Variants in BRF1 observed in about 807,000 individuals in gnomAD.
BRF1 encodes the protein transcription factor IIIB 90 kDa subunit.
Under a neutral mutation model 81.7 loss-of-function variants are expected in BRF1, and 59 were observed. That is an observed-to-expected ratio of 0.72 (90% CI 0.59 to 0.90). The LOEUF (loss-of-function observed/expected upper bound fraction) is 0.90, where lower values mean the gene tolerates loss of function less well. Ranked by LOEUF, BRF1 falls within the 40% of genes least tolerant of loss-of-function variation. The probability of loss-of-function intolerance (pLI) is 0.00; values close to 1 mark genes in which losing one functional copy is unlikely to be tolerated. For missense variants in BRF1, 1,050 were observed against 936.3 expected, an observed-to-expected ratio of 1.12 and a Z score of -1.58; for synonymous variants, 491 against 395.6, an observed-to-expected ratio of 1.24 and a Z score of -2.86.
intron 1 of BRF1, among the ~76,000 whole-genome samples, chr14:105,307,406 T>C (rs926630633): frequency 6.6e-6 from 1 of 152,316 alleles, no homozygotes; most frequent in African/African-American, 2.4e-5. Flanking sequence ...TCCTCTGCCT[T>C]GCCTGGAAAA....
intron 5 of BRF1, chr14:105,248,485 G>A: frequency 1.0e-6 from 1 of 984,734 alleles, no homozygotes; most frequent in Non-Finnish European, 1.2e-6. Context: ...TGTCGGGCCT[G>A]GGGGCGGGGC....
intron 1 of BRF1, among the ~76,000 whole-genome samples, chr14:105,286,926 C>T (rs1027841215): frequency 6.6e-6 from 1 of 152,242 alleles, no homozygotes; most frequent in African/African-American, 2.4e-5. Flanking sequence ...GTCCCCCTTG[C>T]CCCAGGCCAG....
chr14:105,281,188 G>A (rs1014993233), intron 2 of BRF1, among the ~76,000 whole-genome samples: 3 of 141,256 alleles, frequency 2.1e-5, no homozygotes, highest in Admixed American at 7.1e-5. Context: ...GGTGGAGGCC[G>A]TGTGATCCTG....
In BRF1 at chr14:105,259,439, G is replaced by C. The variant is rs1270236184; in HGVS notation, c.440-2890C>G. 3.3e-5 allele frequency among the ~76,000 whole-genome samples: 5 copies of C among 152,248 alleles called. No homozygotes were observed. In the East Asian group the frequency reaches 5.8e-4, roughly 18 times the overall value. ...AGCTGGGGCCACAGAGTGAGACTCT[G>C]TCTCTAAAAATAAAAAGAAATATGT... On this transcript the variant is annotated intron_variant, in intron 3 of 17. Transcript: ENST00000547530.
chr14:105,286,458 G>A, intron 1 of BRF1, 82 bp from the exon 2 acceptor site: 2 of 1,423,570 alleles, frequency 1.4e-6, no homozygotes, highest in Non-Finnish European at 1.9e-6. Flanking sequence ...CAGACACAAA[G>A]TGAGAACAAA....
chr14:105,241,076 A>T lies in BRF1; in HGVS notation c.694+189T>A, dbSNP rs587756935. On this transcript the variant is annotated intron_variant, in intron 6 of 17. Coordinates refer to ENST00000547530, the MANE Select transcript of BRF1 (RefSeq NM_001519.4). ...CTTATGCCAGGACACGCAGAGGCCAACGGGGCAGCCAGGAGGTCCTGGAGG... is the reference window on the plus strand; with the variant it reads ...CTTATGCCAGGACACGCAGAGGCCATCGGGGCAGCCAGGAGGTCCTGGAGG... Among the ~76,000 whole-genome samples the T allele has an allele frequency of 5.3e-5, 8 of 152,328 alleles. No homozygotes were observed. In the East Asian group the frequency reaches 1.5e-3, roughly 29 times the overall value.
intron 10 of BRF1, among the ~76,000 whole-genome samples, chr14:105,222,838 C>T (rs995305886): frequency 1.5e-4 from 23 of 152,138 alleles, no homozygotes; most frequent in African/African-American, 2.4e-4. Flanking sequence ...CTGTGTTAGC[C>T]AGGATGGTCT....
At chr14:105,268,315 G>A (rs1050295881) in intron 3 of BRF1, among the ~76,000 whole-genome samples, 5 of 152,264 alleles carry the variant, frequency 3.3e-5, no homozygotes, top group Non-Finnish European at 5.9e-5. Flanking sequence ...TCCAGGTCCC[G>A]TGTCTCAGCC....
intron 5 of BRF1, chr14:105,250,352 T>A: frequency 6.2e-7 from 1 of 1,613,588 alleles, no homozygotes; most frequent in South Asian, 1.1e-5. Flanking sequence ...TGGCTCCAGC[T>A]CTGGGAAGGC....
At chr14:105,307,037 A>C (rs201039478) in intron 1 of BRF1, among the ~76,000 whole-genome samples, 3 of 149,898 alleles carry the variant, frequency 2.0e-5, no homozygotes, top group East Asian at 2.0e-4. Flanking sequence ...TATTTACTTT[A>C]TTTTTTCTTT....
rs907463100 is a variant in BRF1 at position 105,309,967 on chromosome 14, G to T, written c.-162+5355C>A. On this transcript the variant is annotated intron_variant, in intron 1 of 17. Transcript: ENST00000327359. This position sits in a 1 kb window ranked among gnomAD's most constrained non-coding sequence, Gnocchi z 4.0. ...CACCCGACTAATTTTTGTATTTTTA[G>T]TAGAGACGGGGTTTCAGTGTATTGG... is the stretch of plus-strand genomic sequence containing the variant. 1.3e-5 allele frequency among the ~76,000 whole-genome samples: 2 copies of T among 151,412 alleles called. No homozygotes were observed. The highest frequency in any genetic ancestry group is 4.9e-5 in the African/African-American group (2 of 41,236).
rs1566864231 is a variant in BRF1 at position 105,283,961 on chromosome 14, G to T, written c.265+2335C>A. On this transcript the variant is annotated intron_variant, in intron 2 of 17. Transcript: ENST00000547530. Reference sequence around the variant, plus strand: ...CCACCTGGAGGAACTGTAAACGTGTGTGCCAGGAAGCCCTGAAACAGACAA... The same window carrying T: ...CCACCTGGAGGAACTGTAAACGTGTTTGCCAGGAAGCCCTGAAACAGACAA... 2.0e-5 allele frequency among the ~76,000 whole-genome samples: 3 copies of T among 152,168 alleles called. No individual in the cohort carries two copies. In the East Asian group the frequency reaches 5.8e-4, roughly 29 times the overall value.
At chr14:105,277,536 G>A (rs1391481825) in intron 2 of BRF1, among the ~76,000 whole-genome samples, 1 of 137,100 alleles carries the variant, frequency 7.3e-6, no homozygotes, top group East Asian at 2.0e-4. Flanking sequence ...AGAGAGCTGG[G>A]GAGGAGGCCA....
intron 5 of BRF1, chr14:105,248,550 C>A (rs150454083): frequency 0.032 from 26,679 of 834,980 alleles, 416 homozygotes; most frequent in Non-Finnish European, 0.034. Context: ...GACGCACCGG[C>A]GCCGCGGCGG....
At chr14:105,249,765 A>G (rs1013652929) in intron 5 of BRF1, 2 of 1,613,792 alleles carry the variant, frequency 1.2e-6, no homozygotes, top group Non-Finnish European at 1.7e-6. Flanking sequence ...ACAAGTTTGG[A>G]AGCCAAGAAC....
chr14:105,273,473 G>A (rs2056748058), intron 2 of BRF1, among the ~76,000 whole-genome samples: 1 of 152,194 alleles, frequency 6.6e-6, no homozygotes, highest in South Asian at 2.1e-4. Flanking sequence ...CATGGTGTAG[G>A]GAAAAGGAAG....
rs1056772888 is a variant in BRF1, at chr14:105,221,570, G to T, written c.1315+78C>A. 7 of 1,530,368 alleles carry T rather than the reference G, an allele frequency of 4.6e-6. No individual in the cohort carries two copies. In the Admixed American group the frequency reaches 7.0e-5, roughly 15 times the overall value. The allele number at this position is 1,530,368 out of a possible 1,614,324, so 94.8% of individuals were successfully genotyped here. On this transcript the variant is annotated intron_variant, in intron 11 of 17. Coordinates refer to ENST00000547530, the MANE Select transcript of BRF1 (RefSeq NM_001519.4). ...CTCCCGACAGAGGATGGCAGCATCC[G>T]GCTCTCCCCATGAGAGGCACACGCC...
intron 7 of BRF1, 173 bp from the exon 8 acceptor site, chr14:105,226,933 ACT>A (rs965110826): frequency 1.1e-5 from 9 of 783,938 alleles, no homozygotes; most frequent in African/African-American, 9.2e-5. Flanking sequence ...ACACAGTGAG[ACT>A]CTGTCTCTAC....
chr14:105,264,475 T>C (rs1486979282), intron 3 of BRF1, among the ~76,000 whole-genome samples: 3 of 151,612 alleles, frequency 2.0e-5, no homozygotes, highest in East Asian at 1.9e-4. Context: ...CCATCCTGGC[T>C]AACACAGTGA....
Sources: allele counts gnomAD v4.1 joint callset (sites outside exome capture counted in the v4.1 genomes callset), GRCh38; gene constraint gnomAD v4.1.1; non-coding constraint Gnocchi (gnomAD v3.1); transcripts MANE v1.5; gene names NCBI Gene and HGNC (gene_info 2026-07-23, HGNC 2026-07-21).